The following SNAP47 variants were observed in gnomAD, a reference collection of about 807,000 sequenced individuals.
SNAP47 encodes the protein synaptosome associated protein 47.
In SNAP47, 20 loss-of-function variants were observed where a neutral mutation model predicts 31.4. That is an observed-to-expected ratio of 0.64 (90% CI 0.45 to 0.93). The LOEUF is 0.93. SNAP47 is among the 40% of genes least tolerant of loss of function. The pLI is 0.00. For missense variants in SNAP47, 492 were observed against 528.5 expected, an observed-to-expected ratio of 0.93 and a Z score of 0.68; for synonymous variants, 194 against 213.4, an observed-to-expected ratio of 0.91 and a Z score of 0.79.
At chr1:227,772,542 C>T (rs1164019738) in intron 4 of SNAP47, among the ~76,000 whole-genome samples, 2 of 152,112 alleles carry the variant, frequency 1.3e-5, no homozygotes, top group East Asian at 1.9e-4. Flanking sequence ...TGGAGAATGC[C>T]GCTGTAAGCG....
upstream of SNAP47, chr1:227,735,349 C>CA (rs767726257): frequency 1.1e-5 from 17 of 1,595,348 alleles, no homozygotes; most frequent in Admixed American, 2.2e-4. Context: ...GCCTCGGAAC[C>CA]AGAAGACGCA....
chr1:227,766,917 A>G (rs1663444463), intron 3 of SNAP47, 42 bp from the exon 4 acceptor site: 3 of 1,608,652 alleles, frequency 1.9e-6, no homozygotes, highest in Middle Eastern at 1.7e-4. Context: ...GGTTGTTGCA[A>G]CTCCGAGAGA....
At chr1:227,764,419 A>G (rs1277048986) in intron 3 of SNAP47, among the ~76,000 whole-genome samples, 1 of 152,198 alleles carries the variant, frequency 6.6e-6, no homozygotes, top group African/African-American at 2.4e-5. Flanking sequence ...ACGCAGCCTC[A>G]GGTGCTGAAA....
chr1:227,757,566 T>C (rs1662774170), intron 2 of SNAP47, among the ~76,000 whole-genome samples: 1 of 152,262 alleles, frequency 6.6e-6, no homozygotes, highest in Non-Finnish European at 1.5e-5. Flanking sequence ...GGATGTGTAC[T>C]GTAAACTCTT....
At chr1:227,731,868 C>A, upstream of SNAP47, 1 of 157,422 alleles carries the variant, frequency 6.4e-6, no homozygotes, top group Non-Finnish European at 1.4e-5. Flanking sequence ...CTCTGGGTAC[C>A]CAGAGGAAGG....
intron 4 of SNAP47, chr1:227,775,942 G>C: frequency 7.7e-7 from 1 of 1,294,654 alleles, no homozygotes; most frequent in Non-Finnish European, 1.0e-6. Context: ...TGAGGGAGCC[G>C]GCCAGGCCCA....
At chr1:227,731,320 C>T (rs1260087549), upstream of SNAP47, 5 of 152,486 alleles carry the variant, frequency 3.3e-5, no homozygotes, top group African/African-American at 1.2e-4. Flanking sequence ...GGGCTTCCAT[C>T]CTAGACAAGT....
upstream of SNAP47, chr1:227,732,076 C>T (rs535333733): frequency 7.2e-5 from 33 of 460,352 alleles, no homozygotes; most frequent in Non-Finnish European, 1.2e-4. Flanking sequence ...AGAAGGCACA[C>T]CAGACACAGA....
intron 4 of SNAP47, among the ~76,000 whole-genome samples, chr1:227,771,051 C>T (rs749586031): frequency 1.1e-4 from 17 of 152,172 alleles, no homozygotes; most frequent in Non-Finnish European, 1.9e-4. Flanking sequence ...GGGCACTGAA[C>T]GCAGCACCCA....
In SNAP47 at chr1:227,759,258, A is replaced by T. The variant is rs1314841424; in HGVS notation, c.761A>T (p.Asp254Val). Residue 254 changes from aspartate to valine, a missense_variant, in exon 3 of 5, where the codon GAC (aspartate) becomes GTC (valine). Physicochemically the swap from Asp to Val is radical, Grantham distance 152. Transcript: ENST00000617596. ...CTCATGCACAGGTTTGAAAGAGAAG[A>T]CGTGGACGACATCAAGGTCCACTCA... ...SLLMHRFERE[D>V]VDDIKVHSPY... 6.2e-7 allele frequency: 1 copy of T among 1,614,212 alleles called. No homozygotes were observed. Among genetic ancestry groups the T allele is most frequent in the Non-Finnish European group, 8.5e-7 (1 of 1,180,046 alleles).
intron 1 of SNAP47, among the ~76,000 whole-genome samples, chr1:227,735,889 G>T (rs965756512): frequency 2.0e-5 from 3 of 149,964 alleles, no homozygotes; most frequent in African/African-American, 7.4e-5. Flanking sequence ...AGGGGATGGG[G>T]ACAGTGGGGA....
chr1:227,740,489 G>A (rs1423836489), intron 1 of SNAP47, among the ~76,000 whole-genome samples: 2 of 152,128 alleles, frequency 1.3e-5, no homozygotes, highest in Non-Finnish European at 2.9e-5. Context: ...CTTGGATGGT[G>A]GAACTGTGGA....
chr1:227,741,803 G>A lies in SNAP47; in HGVS notation c.-45-5889G>A, dbSNP rs905776161. ...TGTTCCATGGGGTGTCTTCACTTCC[G>A]TCCTTGCACTGCATCTCCGTTGACT... On this transcript the variant is annotated intron_variant, in intron 1 of 4. Coordinates refer to ENST00000617596, the MANE Select transcript of SNAP47 (RefSeq NM_053052.4). The surrounding 1 kb of genome is among the most constrained non-coding windows in gnomAD (Gnocchi z 4.2). 6.6e-6 allele frequency among the ~76,000 whole-genome samples: 1 copy of A among 152,136 alleles called. No individual in the cohort carries two copies. The highest frequency in any genetic ancestry group is 2.4e-5 in the African/African-American group (1 of 41,422).
intron 2 of SNAP47, among the ~76,000 whole-genome samples, chr1:227,757,946 C>T (rs1392306428): frequency 6.6e-6 from 1 of 152,130 alleles, no homozygotes; most frequent in Non-Finnish European, 1.5e-5. Context: ...CCCACTGATT[C>T]TGTTCTCTGG....
At chr1:227,734,818 T>C, upstream of SNAP47, 1 of 1,613,686 alleles carries the variant, frequency 6.2e-7, no homozygotes, top group South Asian at 1.1e-5. Flanking sequence ...CCACGTCTCC[T>C]GAAATGAAAG....
chr1:227,731,276 G>C (rs1474764786), upstream of SNAP47: 1 of 152,308 alleles, frequency 6.6e-6, no homozygotes, highest in Admixed American at 6.5e-5. Context: ...ATGATTCACT[G>C]AACAGAGCAG....
intron 2 of SNAP47, among the ~76,000 whole-genome samples, chr1:227,749,385 T>G (rs1662195024): frequency 6.6e-6 from 1 of 152,138 alleles, no homozygotes; most frequent in Non-Finnish European, 1.5e-5. Flanking sequence ...GTCCCTCTTC[T>G]GGGATCCGGG....
At chr1:227,757,735 A>G (rs568915981) in intron 2 of SNAP47, among the ~76,000 whole-genome samples, 1 of 152,358 alleles carries the variant, frequency 6.6e-6, no homozygotes, top group South Asian at 2.1e-4. Context: ...CAAAGGTTCA[A>G]CTAATACTGA....
chr1:227,757,614 A>C (rs1304190530), intron 2 of SNAP47, among the ~76,000 whole-genome samples: 3 of 152,224 alleles, frequency 2.0e-5, no homozygotes, highest in Non-Finnish European at 4.4e-5. Context: ...GATGTATGGG[A>C]TACTGAAGCC....
Sources: allele counts gnomAD v4.1 joint callset (sites outside exome capture counted in the v4.1 genomes callset), GRCh38; gene constraint gnomAD v4.1.1; non-coding constraint Gnocchi (gnomAD v3.1); transcripts MANE v1.5; gene names NCBI Gene and HGNC (gene_info 2026-07-23, HGNC 2026-07-21).